TBC1D2: variants seen among roughly 807,000 people sequenced by gnomAD.
TBC1D2 encodes the protein TBC1 domain family member 2.
In TBC1D2, 58 loss-of-function variants were observed where a neutral mutation model predicts 91.1. The ratio of observed to expected loss-of-function variants is 0.64; its 90% CI spans 0.52 to 0.79. The LOEUF is 0.79. Among genes scored for constraint, TBC1D2 ranks in the 30% least tolerant of loss-of-function variants. The pLI is 0.00. For missense variants in TBC1D2, 1,080 were observed against 1,208.3 expected (o/e 0.89, Z 1.57); for synonymous variants, 482 against 511.5 (o/e 0.94, Z 0.78).
chr9:98,201,311 A>T (rs1425309938), intron 11 of TBC1D2, among the ~76,000 whole-genome samples, 168 bp downstream of exon 11: 1 of 152,190 alleles, frequency 6.6e-6, no homozygotes, highest in Non-Finnish European at 1.5e-5. Context: ...CAGAACCACT[A>T]CTTCTCATAC....
intron 8 of TBC1D2, among the ~76,000 whole-genome samples, chr9:98,209,793 T>TTCCTTCCTTCC (rs1258091723): frequency 6.7e-6 from 1 of 148,814 alleles, no homozygotes; most frequent in African/African-American, 2.5e-5. Flanking sequence ...CCTTCCTTCC[T>TTCCTTCCTTCC]TTCTTTTTCT....
At chr9:98,213,400 C>G in intron 6 of TBC1D2, 182 bp from the exon 7 acceptor site, 1 of 1,414,362 alleles carries the variant, frequency 7.1e-7, no homozygotes, top group Non-Finnish European at 9.2e-7. Context: ...TTCTTGATGT[C>G]AGCATGATGT....
chr9:98,243,948 G>A (rs1393345659), intron 3 of TBC1D2, 46 bp downstream of exon 3: 6 of 1,575,486 alleles, frequency 3.8e-6, no homozygotes, highest in South Asian at 3.5e-5. Flanking sequence ...TCCACTGAAG[G>A]GGCTGCCTGC....
intron 6 of TBC1D2, among the ~76,000 whole-genome samples, 197 bp downstream of exon 6, chr9:98,220,636 C>T (rs1829071295): frequency 1.3e-5 from 2 of 152,204 alleles, no homozygotes; most frequent in East Asian, 3.8e-4. Flanking sequence ...AGGCAAACTG[C>T]ACTGGGCCTT....
chr9:98,222,694 A>C (rs1829129332), intron 5 of TBC1D2, among the ~76,000 whole-genome samples: 1 of 152,222 alleles, frequency 6.6e-6, no homozygotes, highest in Non-Finnish European at 1.5e-5. Flanking sequence ...GGTAGGTATG[A>C]CTTTCAGGCA....
intron 3 of TBC1D2, among the ~76,000 whole-genome samples, chr9:98,240,873 C>A (rs1332267635): frequency 6.6e-6 from 1 of 152,176 alleles, no homozygotes; most frequent in East Asian, 1.9e-4. Flanking sequence ...AATTTATCAA[C>A]TTTGCTTGGA....
chr9:98,201,544 CA>C lies in TBC1D2; in HGVS notation c.2391del (p.Phe797LeufsTer41), dbSNP rs1298450339. 6.2e-7 allele frequency: 1 copy of C among 1,614,166 alleles called. No individual in the cohort carries two copies. The highest frequency in any genetic ancestry group is 8.5e-7 in the Non-Finnish European group (1 of 1,180,024). ...AGGATGTTGCTAATGAGACTGTCCG[CA>C]AAGACCACGAGGAACCAGTTGAAGG... ...LVTFNWFLVV[F>X]ADSLISNILL... On this transcript the variant is annotated frameshift_variant, in exon 11 of 13. Coordinates refer to ENST00000465784, the MANE Select transcript of TBC1D2 (RefSeq NM_001267571.2). LOFTEE classifies it high-confidence loss of function.
At chr9:98,241,054 T>A (rs1829625239) in intron 3 of TBC1D2, among the ~76,000 whole-genome samples, 1 of 152,190 alleles carries the variant, frequency 6.6e-6, no homozygotes, top group African/African-American at 2.4e-5. Flanking sequence ...AACATATCCA[T>A]AATGAACACT....
intron 9 of TBC1D2, 101 bp from the exon 10 acceptor site, chr9:98,203,509 C>A: frequency 6.6e-7 from 1 of 1,522,206 alleles, no homozygotes; most frequent in Non-Finnish European, 8.9e-7. Context: ...GAAAGTCCTT[C>A]CATGTGAGCA....
At chr9:98,239,907 G>A (rs1239180588) in intron 3 of TBC1D2, among the ~76,000 whole-genome samples, 1 of 152,096 alleles carries the variant, frequency 6.6e-6, no homozygotes, top group African/African-American at 2.4e-5. Context: ...TAGTAAATGT[G>A]TCTTTCTAGG....
chr9:98,251,326 G>A (rs182306062), intron 2 of TBC1D2, among the ~76,000 whole-genome samples: 2 of 150,458 alleles, frequency 1.3e-5, no homozygotes, highest in East Asian at 1.9e-4. Context: ...CCCAACTCAC[G>A]ACACAAATCT....
chr9:98,221,213 G>T lies in TBC1D2; in HGVS notation c.994C>A (p.Leu332Met). ...TGGGCGGCCTCCAGTGCCTTGTGCA[G>T]GATCTTCACTAGCTCCTGGGCAGGG... is the stretch of plus-strand genomic sequence containing the variant. ...LKSQKELVKI[L>M]HKALEAAQQE... Residue 332 changes from leucine (L) to methionine (M), a missense_variant, in exon 6 of 13, where the codon CTG becomes ATG. Coordinates refer to ENST00000465784, the MANE Select transcript of TBC1D2 (RefSeq NM_001267571.2). The T allele has an allele frequency of 6.5e-7, 1 of 1,547,202 alleles. No individual in the cohort carries two copies. Among genetic ancestry groups the T allele is most frequent in the East Asian group, 2.4e-5 (1 of 41,290 alleles).
intron 3 of TBC1D2, among the ~76,000 whole-genome samples, chr9:98,237,389 A>C (rs1469228879): frequency 6.6e-6 from 1 of 152,144 alleles, no homozygotes; most frequent in Non-Finnish European, 1.5e-5. Flanking sequence ...TTGCTGAAAA[A>C]AAAGAAAGAA....
intron 6 of TBC1D2, among the ~76,000 whole-genome samples, chr9:98,219,154 G>C (rs1829036865): frequency 1.3e-5 from 2 of 152,260 alleles, no homozygotes; most frequent in Admixed American, 1.3e-4. Flanking sequence ...AAGGGAATCA[G>C]GTTTCACGTC....
At chr9:98,224,280 CT>C (rs1170210699) in intron 5 of TBC1D2, among the ~76,000 whole-genome samples, 10,522 of 107,450 alleles carry the variant, frequency 0.098, 190 homozygotes, top group African/African-American at 0.13. Context: ...TTTTTCTTTT[CT>C]TTTTTTTTTT....
At chr9:98,253,500 TAATTTGCC>T (rs1417765882) in intron 1 of TBC1D2, among the ~76,000 whole-genome samples, 1 of 152,238 alleles carries the variant, frequency 6.6e-6, no homozygotes, top group Non-Finnish European at 1.5e-5. Context: ...CTACTTGGCC[TAATTTGCC>T]AATTCCCCAC....
At chr9:98,207,572 T>A (rs149907023) in intron 9 of TBC1D2, among the ~76,000 whole-genome samples, 34 of 152,228 alleles carry the variant, frequency 2.2e-4, no homozygotes, top group African/African-American at 7.7e-4. Context: ...GCCAATCAGA[T>A]TTTTTCTTTG....
In TBC1D2 at chr9:98,207,969, G is replaced by A. The variant is rs2119016593; in HGVS notation, c.2150+699C>T. On this transcript the variant is annotated intron_variant, in intron 9 of 12. Transcript: ENST00000465784. Reference sequence around the variant, plus strand: ...TTCCTGGCTTCTGTGAACTCCCCTTGTAACATTTAGAAAGTCTCTTTTCCC... The same window carrying A: ...TTCCTGGCTTCTGTGAACTCCCCTTATAACATTTAGAAAGTCTCTTTTCCC... Among the ~76,000 whole-genome samples the A allele has an allele frequency of 2.6e-5, 4 of 152,248 alleles. 1 individual carries two copies. The South Asian group carries it at 8.3e-4, about 32-fold the overall frequency.
At chr9:98,212,295 T>C (rs749166263) in intron 7 of TBC1D2, among the ~76,000 whole-genome samples, 2 of 152,150 alleles carry the variant, frequency 1.3e-5, no homozygotes, top group African/African-American at 2.4e-5. Flanking sequence ...TCCAGCCTCA[T>C]GTCTCACTCT....
Sources: gnomAD v4.1 joint callset for allele counts (sites outside exome capture counted in the v4.1 genomes callset) on GRCh38, gnomAD v4.1.1 for gene constraint, MANE v1.5 for transcripts, NCBI Gene and HGNC (gene_info 2026-07-23, HGNC 2026-07-21) for gene names.